AFF1: variants seen among roughly 807,000 people sequenced by gnomAD.
AFF1 encodes the protein AF4/FMR2 family member 1.
AFF1 carries 48 observed loss-of-function variants against 121.7 expected under a neutral mutation model. That is an observed-to-expected ratio of 0.39 (90% CI 0.31 to 0.50). AFF1 has a LOEUF of 0.50. Among genes scored for constraint, AFF1 ranks in the 20% least tolerant of loss-of-function variants. AFF1 has a pLI of 0.76. For synonymous variants in AFF1, 613 were observed against 563.0 expected, an observed-to-expected ratio of 1.09 and a Z score of -1.26; for missense variants, 1,523 against 1,511.7, an observed-to-expected ratio of 1.01 and a Z score of -0.12.
chr4:86,960,352 TA>T (rs916626368), intron 2 of AFF1, among the ~76,000 whole-genome samples: 8 of 152,144 alleles, frequency 5.3e-5, no homozygotes, highest in African/African-American at 1.9e-4. Flanking sequence ...GTTGTTACAG[TA>T]AAGTGGAACA....
At chr4:86,950,065 G>A (rs1578831544) in intron 2 of AFF1, 3 of 1,614,130 alleles carry the variant, frequency 1.9e-6, no homozygotes, top group South Asian at 2.2e-5. Flanking sequence ...TGATGTAATA[G>A]GCCATCCACG....
chr4:87,008,470 A>G (rs1454490985), intron 2 of AFF1, among the ~76,000 whole-genome samples: 4 of 152,090 alleles, frequency 2.6e-5, no homozygotes, highest in Non-Finnish European at 5.9e-5. Context: ...TGCTTTTTAT[A>G]TTTCTTCTTC....
intron 4 of AFF1, among the ~76,000 whole-genome samples, chr4:87,049,182 T>C (rs1007179225): frequency 6.6e-6 from 1 of 150,430 alleles, no homozygotes; most frequent in Non-Finnish European, 1.5e-5. Context: ...AATTAGCAAA[T>C]ATTTGCATTG....
In AFF1 at chr4:86,945,448, T is replaced by C. The variant is rs187739330; in HGVS notation, c.-36-3050T>C. Among the ~76,000 whole-genome samples the C allele has an allele frequency of 2.6e-5, 4 of 151,442 alleles. No individual in the cohort carries two copies. The East Asian group carries it at 7.7e-4, about 29-fold the overall frequency. On this transcript the variant is annotated intron_variant, in intron 1 of 20. Transcript: ENST00000395146. ...CAAGCTACCCTCTCACCTTAGCCTT[T>C]TGAGTAGCTGGGACCACAGACATGT...
intron 2 of AFF1, among the ~76,000 whole-genome samples, chr4:86,982,875 A>AAAAG (rs1723883637): frequency 7.3e-6 from 1 of 137,226 alleles, no homozygotes; most frequent in African/African-American, 2.7e-5. Flanking sequence ...AAAAAAAAAA[A>AAAAG]GGAAGCTTGT....
intron 4 of AFF1, among the ~76,000 whole-genome samples, chr4:87,078,568 T>A (rs1722890216): frequency 6.6e-6 from 1 of 152,176 alleles, no homozygotes; most frequent in Non-Finnish European, 1.5e-5. Context: ...GCATCAGGGA[T>A]GTTTTCCAAA....
At chr4:86,983,264 A>G (rs893491950) in intron 2 of AFF1, among the ~76,000 whole-genome samples, 23 of 152,054 alleles carry the variant, frequency 1.5e-4, no homozygotes, top group African/African-American at 5.6e-4. Context: ...ACAGCGGTTC[A>G]CTCCTGTAAT....
At chr4:87,081,150 GA>G (rs1560606151) in intron 4 of AFF1, among the ~76,000 whole-genome samples, 1 of 112,166 alleles carries the variant, frequency 8.9e-6, no homozygotes, top group Non-Finnish European at 1.7e-5. Flanking sequence ...CTAATGAAAT[GA>G]ATTTTTTTTT....
At chr4:86,965,256 T>A (rs1722456590) in intron 2 of AFF1, among the ~76,000 whole-genome samples, 1 of 152,282 alleles carries the variant, frequency 6.6e-6, no homozygotes. Flanking sequence ...CCTATTTGTC[T>A]TCATTGACCT....
At chr4:87,021,034 C>T (rs545424765) in intron 2 of AFF1, among the ~76,000 whole-genome samples, 5 of 152,248 alleles carry the variant, frequency 3.3e-5, no homozygotes, top group South Asian at 2.1e-4. Context: ...TATATTTAAG[C>T]GCCATCATCA....
intron 2 of AFF1, among the ~76,000 whole-genome samples, chr4:87,001,724 C>CA (rs1463716698): frequency 6.6e-6 from 1 of 152,204 alleles, no homozygotes; most frequent in Admixed American, 6.5e-5. Flanking sequence ...GTGTTGAAGT[C>CA]ACAGCTGAAG....
intron 5 of AFF1, among the ~76,000 whole-genome samples, chr4:87,088,635 C>T (rs1006460407): frequency 2.0e-5 from 3 of 151,992 alleles, no homozygotes; most frequent in South Asian, 2.1e-4. Context: ...GACGGAGTCT[C>T]GCCCTGTCAC....
chr4:87,030,230 T>C (rs1194697845), intron 2 of AFF1, among the ~76,000 whole-genome samples: 1 of 152,188 alleles, frequency 6.6e-6, no homozygotes, highest in Non-Finnish European at 1.5e-5. Flanking sequence ...TGGTAAATAT[T>C]TTAGGCTTTG....
intron 2 of AFF1, among the ~76,000 whole-genome samples, chr4:87,000,603 CTCTGTGTG>C (rs1054740552): frequency 9.1e-5 from 7 of 76,814 alleles, no homozygotes; most frequent in Non-Finnish European, 1.6e-4. Flanking sequence ...AAAAAATAAA[CTCTGTGTG>C]TGTGTGTGTG....
At chr4:86,990,978 C>G (rs1026616007) in intron 2 of AFF1, among the ~76,000 whole-genome samples, 4 of 151,478 alleles carry the variant, frequency 2.6e-5, no homozygotes, top group Admixed American at 2.6e-4. Flanking sequence ...GTAGTGAAAC[C>G]TTGTCTCTAC....
At chr4:87,000,659 AC>A (rs1725634049) in intron 2 of AFF1, among the ~76,000 whole-genome samples, 1 of 129,622 alleles carries the variant, frequency 7.7e-6, no homozygotes, top group South Asian at 2.6e-4. Context: ...AAGTGGGGGA[AC>A]TTGAGCTTGT....
chr4:87,043,825 C>T (rs200300495), intron 2 of AFF1, among the ~76,000 whole-genome samples: 2 of 149,926 alleles, frequency 1.3e-5, no homozygotes, highest in Non-Finnish European at 3.0e-5. Context: ...TTCTTTCTTT[C>T]TTTTTTTTTT....
intron 8 of AFF1, among the ~76,000 whole-genome samples, chr4:87,102,408 T>C (rs1185283069): frequency 6.6e-6 from 1 of 152,234 alleles, no homozygotes; most frequent in African/African-American, 2.4e-5. Context: ...TGGTGGGTTC[T>C]GGAATTTAGA....
intron 2 of AFF1, among the ~76,000 whole-genome samples, chr4:87,029,263 C>A (rs1385584387): frequency 2.2e-4 from 34 of 152,190 alleles, no homozygotes; most frequent in Admixed American, 2.2e-3. Context: ...ACAAGGTCTC[C>A]CTGAGTGCAG....
Sources: allele counts gnomAD v4.1 joint callset (sites outside exome capture counted in the v4.1 genomes callset), GRCh38; gene constraint gnomAD v4.1.1; transcripts MANE v1.5; gene names NCBI Gene and HGNC (gene_info 2026-07-23, HGNC 2026-07-21).